Variants in KCNK10 observed in about 807,000 individuals in gnomAD.
KCNK10 encodes the protein potassium two pore domain channel subfamily K member 10.
KCNK10 carries 25 observed loss-of-function variants against 47.7 expected under a neutral mutation model. The observed-to-expected ratio is 0.52, with a 90% CI of 0.38 to 0.73. The LOEUF is 0.73. Among genes scored for constraint, KCNK10 ranks in the 30% least tolerant of loss-of-function variants. KCNK10 has a pLI of 0.00. For missense variants in KCNK10, 563 were observed against 714.5 expected (o/e 0.79, Z 2.42); for synonymous variants, 303 against 285.6 (o/e 1.06, Z -0.61).
At chr14:88,211,674 G>T (rs561617740) in intron 4 of KCNK10, among the ~76,000 whole-genome samples, 136 of 152,096 alleles carry the variant, frequency 8.9e-4, no homozygotes, top group African/African-American at 3.2e-3. Flanking sequence ...GAGGCAGGTG[G>T]ATCATGAGGT....
chr14:88,274,544 C>A (rs1887483424), intron 1 of KCNK10, among the ~76,000 whole-genome samples: 1 of 1,528 alleles, frequency 6.5e-4, no homozygotes, highest in African/African-American at 7.0e-4. Flanking sequence ...GAGTGAGACT[C>A]TATCTAAAAA....
intron 1 of KCNK10, among the ~76,000 whole-genome samples, chr14:88,302,507 CA>C (rs1359611443): frequency 1.3e-5 from 2 of 152,148 alleles, no homozygotes; most frequent in Non-Finnish European, 2.9e-5. Flanking sequence ...GTCAGGAGTT[CA>C]AGACCAGTCT....
intron 1 of KCNK10, among the ~76,000 whole-genome samples, chr14:88,296,355 T>C (rs1354867713): frequency 6.6e-6 from 1 of 152,210 alleles, no homozygotes; most frequent in Non-Finnish European, 1.5e-5. Flanking sequence ...AGGATAATAT[T>C]GATGATCAAT....
intron 1 of KCNK10, among the ~76,000 whole-genome samples, chr14:88,282,756 G>T (rs1018173665): frequency 8.5e-5 from 13 of 152,080 alleles, no homozygotes; most frequent in Non-Finnish European, 1.5e-4. Context: ...GTACAGAAAG[G>T]CACCACCTTG....
chr14:88,252,533 G>T (rs1358357988), intron 2 of KCNK10, among the ~76,000 whole-genome samples: 1 of 152,122 alleles, frequency 6.6e-6, no homozygotes, highest in African/African-American at 2.4e-5. Context: ...ACATCTCCTT[G>T]GTTATGGAGA....
At chr14:88,231,969 A>T (rs895353178) in intron 3 of KCNK10, among the ~76,000 whole-genome samples, 1 of 152,166 alleles carries the variant, frequency 6.6e-6, no homozygotes. Flanking sequence ...TAATAAACAC[A>T]TTTTTTATGT....
intron 2 of KCNK10, among the ~76,000 whole-genome samples, chr14:88,252,059 T>G (rs145542577): frequency 2.0e-5 from 3 of 152,312 alleles, no homozygotes; most frequent in African/African-American, 4.8e-5. Context: ...AGGGTCACTA[T>G]ATATTTTATA....
chr14:88,319,924 T>G (rs887310675), intron 1 of KCNK10, among the ~76,000 whole-genome samples: 22 of 152,232 alleles, frequency 1.4e-4, no homozygotes, highest in African/African-American at 5.3e-4. Context: ...TCCTAAAATG[T>G]TTGTGAAGAT....
At chr14:88,196,020 G>C (rs566995869) in intron 4 of KCNK10, among the ~76,000 whole-genome samples, 2 of 152,370 alleles carry the variant, frequency 1.3e-5, no homozygotes, top group South Asian at 4.1e-4. Flanking sequence ...TATCAGGGAA[G>C]AGATGGTCTG....
intron 4 of KCNK10, among the ~76,000 whole-genome samples, chr14:88,220,043 C>A (rs554281361): frequency 6.6e-6 from 1 of 152,050 alleles, no homozygotes; most frequent in Non-Finnish European, 1.5e-5. Flanking sequence ...GATTTTTCTT[C>A]CATAAAAGGA....
At chr14:88,284,309 G>A (rs1438972913) in intron 1 of KCNK10, among the ~76,000 whole-genome samples, 5 of 152,098 alleles carry the variant, frequency 3.3e-5, no homozygotes, top group African/African-American at 9.7e-5. Flanking sequence ...GGGTACAAAC[G>A]CCAGCCTCCA....
At position 88,190,773 on chromosome 14, in the gene KCNK10, C is replaced by T. The variant is rs543930133; in HGVS notation, c.868+1451G>A. On this transcript the variant is annotated intron_variant, in intron 5 of 6. Coordinates refer to ENST00000319231, the MANE Select transcript of KCNK10 (RefSeq NM_138317.3). ...CCCAATTGGAAGAGCTACAAAACCA[C>T]TCTGCCAGTTATTTGTATTATAAAA... is the stretch of plus-strand genomic sequence containing the variant. Among the ~76,000 whole-genome samples, 11 of 152,300 alleles carry T rather than the reference C, an allele frequency of 7.2e-5. 1 individual carries two copies. In the South Asian group the frequency reaches 2.1e-3, roughly 29 times the overall value.
At chr14:88,304,936 G>C (rs1888175630) in intron 1 of KCNK10, among the ~76,000 whole-genome samples, 1 of 152,172 alleles carries the variant, frequency 6.6e-6, no homozygotes, top group African/African-American at 2.4e-5. Context: ...GATGGCTCAT[G>C]CCTATAATCC....
At chr14:88,301,402 T>C (rs1888095023) in intron 1 of KCNK10, among the ~76,000 whole-genome samples, 1 of 152,208 alleles carries the variant, frequency 6.6e-6, no homozygotes, top group Non-Finnish European at 1.5e-5. Flanking sequence ...TTTTAGTTTA[T>C]TAATTTTTAA....
At chr14:88,293,166 G>A (rs529890942) in intron 1 of KCNK10, among the ~76,000 whole-genome samples, 8 of 152,238 alleles carry the variant, frequency 5.3e-5, no homozygotes, top group Non-Finnish European at 1.0e-4. Flanking sequence ...AAGAAGGCCC[G>A]CCAATTTAAT....
chr14:88,193,160 G>A (rs1289141259), intron 4 of KCNK10, among the ~76,000 whole-genome samples: 3 of 152,218 alleles, frequency 2.0e-5, no homozygotes, highest in African/African-American at 4.8e-5. Context: ...GTAGTAGGAC[G>A]ACAATTAGAT....
At position 88,263,529 on chromosome 14, in the gene KCNK10, C is replaced by T. The variant is rs369459656; in HGVS notation, c.75G>A (p.Pro25=). ...DPKVAVPAAA[P]VCQPKSATNG... ...TAGTGGCGCTCTTGGGCTGGCACAC[C>T]GGTGCTGCTGCGGGAACGGCCACTG... The change falls in exon 2 of 7, where the codon CCG becomes CCA. Residue 25 remains proline (P), a synonymous_variant. Transcript: ENST00000319231. 1.6e-5 allele frequency: 25 copies of T among 1,611,948 alleles called. No homozygotes were observed. Among genetic ancestry groups the T allele is most frequent in the Non-Finnish European group, 2.0e-5 (24 of 1,179,842 alleles).
chr14:88,237,410 T>G (rs907823761), intron 3 of KCNK10, among the ~76,000 whole-genome samples: 3 of 152,210 alleles, frequency 2.0e-5, no homozygotes, highest in African/African-American at 7.2e-5. Context: ...CCTCTTCCAA[T>G]TCATCACAAA....
At chr14:88,285,387 T>C (rs903789404) in intron 1 of KCNK10, among the ~76,000 whole-genome samples, 3 of 152,176 alleles carry the variant, frequency 2.0e-5, no homozygotes, top group Non-Finnish European at 4.4e-5. Context: ...GCTGGGATTA[T>C]AGGCCTGAGC....
Sources: allele counts gnomAD v4.1 joint callset (sites outside exome capture counted in the v4.1 genomes callset), GRCh38; gene constraint gnomAD v4.1.1; transcripts MANE v1.5; gene names NCBI Gene and HGNC (gene_info 2026-07-23, HGNC 2026-07-21).